The following CFAP299 variants were observed in gnomAD, a reference collection of about 807,000 sequenced individuals.
CFAP299 encodes cilia- and flagella-associated protein 299.
In CFAP299, 21 loss-of-function variants were observed where a neutral mutation model predicts 27.0. The observed-to-expected ratio is 0.78, with a 90% CI of 0.55 to 1.12. CFAP299 has a LOEUF of 1.12. Ranked by LOEUF, CFAP299 falls within the 50% of genes most tolerant of loss-of-function variation. The pLI is 0.00. For missense variants in CFAP299, 310 were observed against 276.6 expected (o/e 1.12, Z -0.86); for synonymous variants, 104 against 98.1 (o/e 1.06, Z -0.36).
chr4:80,661,831 G>T (rs1740866435), intron 3 of CFAP299, among the ~76,000 whole-genome samples: 1 of 152,100 alleles, frequency 6.6e-6, no homozygotes, highest in Non-Finnish European at 1.5e-5. Context: ...CTTTTTCTCA[G>T]CAAGGAACAT....
At chr4:80,499,854 A>G (rs1350622590) in intron 2 of CFAP299, among the ~76,000 whole-genome samples, 1 of 152,100 alleles carries the variant, frequency 6.6e-6, no homozygotes, top group East Asian at 1.9e-4. Flanking sequence ...AATATATCTT[A>G]TATGTCCTCA....
chr4:80,340,831 A>G (rs1206000841), intron 1 of CFAP299, among the ~76,000 whole-genome samples: 1 of 151,658 alleles, frequency 6.6e-6, no homozygotes, highest in Non-Finnish European at 1.5e-5. Flanking sequence ...GCTGGAGTGC[A>G]ATGGTGCGAT....
At chr4:80,390,626 T>C (rs957043395) in intron 2 of CFAP299, among the ~76,000 whole-genome samples, 33 of 140,448 alleles carry the variant, frequency 2.3e-4, no homozygotes, top group Non-Finnish European at 3.0e-4. Context: ...TATATATGTA[T>C]ATATGTATAC....
chr4:80,885,560 C>G (rs1045487580), intron 4 of CFAP299, among the ~76,000 whole-genome samples: 4 of 152,114 alleles, frequency 2.6e-5, no homozygotes, highest in African/African-American at 9.7e-5. Flanking sequence ...CAGGCAGAGT[C>G]CTGAGGCCTC....
intron 2 of CFAP299, among the ~76,000 whole-genome samples, chr4:80,565,732 T>C (rs952534227): frequency 3.3e-5 from 5 of 152,134 alleles, no homozygotes; most frequent in Admixed American, 2.0e-4. Flanking sequence ...TGAGATATAC[T>C]CTAAGGAAAA....
At chr4:80,534,041 A>T (rs1217133919) in intron 2 of CFAP299, among the ~76,000 whole-genome samples, 1 of 152,152 alleles carries the variant, frequency 6.6e-6, no homozygotes, top group East Asian at 1.9e-4. Flanking sequence ...GAACACCATG[A>T]TTAATTAATG....
chr4:80,636,335 T>C (rs1032563162), intron 3 of CFAP299, among the ~76,000 whole-genome samples: 5 of 152,188 alleles, frequency 3.3e-5, no homozygotes, highest in Non-Finnish European at 7.4e-5. Flanking sequence ...GCATTTCATT[T>C]GTAACCACTC....
At chr4:80,865,150 C>G (rs1218384724) in intron 3 of CFAP299, among the ~76,000 whole-genome samples, 4 of 152,128 alleles carry the variant, frequency 2.6e-5, no homozygotes, top group Admixed American at 2.0e-4. Context: ...ATAATGCTAT[C>G]TAGCCATAAT....
intron 2 of CFAP299, among the ~76,000 whole-genome samples, chr4:80,478,090 A>G (rs930641676): frequency 6.6e-6 from 1 of 152,122 alleles, no homozygotes; most frequent in African/African-American, 2.4e-5. Flanking sequence ...TTCAAAAACT[A>G]TCTCCTTCCT....
intron 3 of CFAP299, among the ~76,000 whole-genome samples, chr4:80,585,405 G>T (rs1472576732): frequency 6.6e-6 from 1 of 152,142 alleles, no homozygotes; most frequent in Non-Finnish European, 1.5e-5. Context: ...CCTCCATATT[G>T]CTATCCCTCA....
chr4:80,912,148 C>A (rs1735502719), intron 4 of CFAP299, among the ~76,000 whole-genome samples: 1 of 151,810 alleles, frequency 6.6e-6, no homozygotes, highest in Non-Finnish European at 1.5e-5. Flanking sequence ...GGAAAATGAA[C>A]AAAATAATAA....
intron 3 of CFAP299, among the ~76,000 whole-genome samples, chr4:80,796,563 A>T (rs1727873433): frequency 6.6e-6 from 1 of 152,270 alleles, no homozygotes; most frequent in East Asian, 1.9e-4. Flanking sequence ...GGTGGGCCTT[A>T]TGGACAGTAA....
intron 5 of CFAP299, among the ~76,000 whole-genome samples, chr4:80,955,526 G>A (rs905585728): frequency 6.6e-6 from 1 of 152,232 alleles, no homozygotes; most frequent in Middle Eastern, 3.4e-3. Flanking sequence ...TTTGCATTGC[G>A]AGAGTTAAAA....
chr4:80,641,559 T>C (rs1739729149), intron 3 of CFAP299, among the ~76,000 whole-genome samples: 2 of 152,190 alleles, frequency 1.3e-5, no homozygotes, highest in African/African-American at 4.8e-5. Flanking sequence ...TTGCCCTACA[T>C]TTTGCCCTAT....
At chr4:80,529,748 T>C (rs1733376306) in intron 2 of CFAP299, among the ~76,000 whole-genome samples, 1 of 145,484 alleles carries the variant, frequency 6.9e-6, no homozygotes, top group Non-Finnish European at 1.5e-5. Context: ...ATACAATCCT[T>C]TTTTTTTTTC....
chr4:80,371,276 C>T (rs1724138122), intron 2 of CFAP299, among the ~76,000 whole-genome samples: 1 of 152,172 alleles, frequency 6.6e-6, no homozygotes, highest in Non-Finnish European at 1.5e-5. Context: ...ATTGTTCAGT[C>T]CTCCTAGGCC....
chr4:80,704,278 C>T (rs561090998), intron 3 of CFAP299, among the ~76,000 whole-genome samples: 5 of 151,520 alleles, frequency 3.3e-5, no homozygotes, highest in Admixed American at 2.6e-4. Context: ...GGGGAAAAGT[C>T]GAAGAATTTG....
At chr4:80,876,621 C>A (rs1247136143) in intron 4 of CFAP299, among the ~76,000 whole-genome samples, 2 of 152,124 alleles carry the variant, frequency 1.3e-5, no homozygotes, top group Admixed American at 6.5e-5. Flanking sequence ...AAACCTGTAT[C>A]ATTAAAGTGT....
intron 3 of CFAP299, among the ~76,000 whole-genome samples, chr4:80,851,300 T>C (rs1433356138): frequency 1.3e-5 from 2 of 152,168 alleles, no homozygotes; most frequent in African/African-American, 4.8e-5. Flanking sequence ...CAAATATTTT[T>C]AAGCATCTAC....
Sources: gnomAD v4.1 joint callset for allele counts (sites outside exome capture counted in the v4.1 genomes callset) on GRCh38, gnomAD v4.1.1 for gene constraint, MANE v1.5 for transcripts, NCBI Gene and HGNC (gene_info 2026-07-23, HGNC 2026-07-21) for gene names.